The following GMDS variants were observed in gnomAD, a reference collection of about 807,000 sequenced individuals.
GMDS encodes GDP-mannose 4,6-dehydratase.
GMDS carries 20 observed loss-of-function variants against 49.9 expected under a neutral mutation model. The ratio of observed to expected loss-of-function variants is 0.40; its 90% CI spans 0.28 to 0.58. The LOEUF is 0.58. Ranked by LOEUF, GMDS falls within the 20% of genes least tolerant of loss-of-function variation. GMDS has a pLI of 0.42. For missense variants in GMDS, 362 were observed against 481.4 expected (o/e 0.75, Z 2.32); for synonymous variants, 177 against 178.6 (o/e 0.99, Z 0.07).
chr6:2,212,195 C>T (rs1780091655), intron 1 of GMDS, among the ~76,000 whole-genome samples: 1 of 152,194 alleles, frequency 6.6e-6, no homozygotes, highest in Admixed American at 6.5e-5. Flanking sequence ...GAGCTTTTAA[C>T]ATATGAATTC....
intron 4 of GMDS, among the ~76,000 whole-genome samples, chr6:1,976,346 C>T (rs1397620652): frequency 6.6e-6 from 1 of 152,128 alleles, no homozygotes; most frequent in Admixed American, 6.6e-5. Context: ...ATTTTAGAGG[C>T]AAATTTAATA....
intron 1 of GMDS, among the ~76,000 whole-genome samples, chr6:2,173,430 C>T (rs576274383): frequency 5.8e-4 from 89 of 152,322 alleles, no homozygotes; most frequent in Non-Finnish European, 8.8e-4. Context: ...ATACCAGATG[C>T]TTCCATGTTT....
intron 4 of GMDS, among the ~76,000 whole-genome samples, chr6:2,084,320 G>C (rs765992962): frequency 6.6e-6 from 1 of 152,024 alleles, no homozygotes; most frequent in Non-Finnish European, 1.5e-5. Flanking sequence ...ATGAACAAGT[G>C]GCCACCCCAT....
rs921564223 is a variant in GMDS, at chr6:1,808,762, T to C, written c.772-66176A>G. On this transcript the variant is annotated intron_variant, in intron 7 of 10. Transcript: ENST00000380815. ...TCAAGATTTTCCTTTCCTCCAAACATATTAAAAGATAATAGCTAGAATTCC... is the reference window on the plus strand; with the variant it reads ...TCAAGATTTTCCTTTCCTCCAAACACATTAAAAGATAATAGCTAGAATTCC... Among the ~76,000 whole-genome samples, 7 of 152,198 alleles carry C rather than the reference T, an allele frequency of 4.6e-5. No homozygotes were observed. In the South Asian group the frequency reaches 6.2e-4, roughly 14 times the overall value.
chr6:1,654,837 C>T (rs954174357), intron 9 of GMDS, among the ~76,000 whole-genome samples: 6 of 151,928 alleles, frequency 3.9e-5, no homozygotes, highest in Non-Finnish European at 7.4e-5. Context: ...TCGAGGTGGG[C>T]GGATCATGAG....
chr6:2,126,261 T>C (rs1330595137), intron 1 of GMDS, among the ~76,000 whole-genome samples: 1 of 152,048 alleles, frequency 6.6e-6, no homozygotes, highest in African/African-American at 2.4e-5. Context: ...AACTAGAGGG[T>C]CCCCATCCAT....
At chr6:1,772,287 A>G (rs975719498) in intron 7 of GMDS, among the ~76,000 whole-genome samples, 5 of 152,196 alleles carry the variant, frequency 3.3e-5, no homozygotes, top group Non-Finnish European at 7.3e-5. Context: ...AAGAAAAAAC[A>G]TGTTTCTTAT....
chr6:2,042,837 C>T (rs1436298744), intron 4 of GMDS, among the ~76,000 whole-genome samples: 2 of 152,170 alleles, frequency 1.3e-5, no homozygotes, highest in Admixed American at 6.5e-5. Context: ...TTACTTTCCA[C>T]TCGGACTCGT....
intron 9 of GMDS, among the ~76,000 whole-genome samples, chr6:1,696,870 T>C (rs1369095532): frequency 3.3e-5 from 5 of 152,172 alleles, no homozygotes; most frequent in Non-Finnish European, 7.4e-5. Context: ...TGGAGTCACA[T>C]GGTAAAACAA....
At chr6:2,190,006 C>T (rs1238009111) in intron 1 of GMDS, among the ~76,000 whole-genome samples, 1 of 152,222 alleles carries the variant, frequency 6.6e-6, no homozygotes, top group African/African-American at 2.4e-5. Context: ...AGACTCCTGG[C>T]TCCAAGTCCT....
At chr6:2,199,189 T>A (rs1170402118) in intron 1 of GMDS, among the ~76,000 whole-genome samples, 1 of 152,258 alleles carries the variant, frequency 6.6e-6, no homozygotes, top group Admixed American at 6.5e-5. Flanking sequence ...TTTAACTTCA[T>A]GTCCACAATA....
intron 7 of GMDS, among the ~76,000 whole-genome samples, chr6:1,841,724 A>G (rs906071451): frequency 2.6e-5 from 4 of 152,134 alleles, no homozygotes; most frequent in African/African-American, 9.7e-5. Flanking sequence ...GTTCATGTGT[A>G]TGTTTGTGAT....
At chr6:1,868,641 A>G in intron 7 of GMDS, among the ~76,000 whole-genome samples, 1 of 152,228 alleles carries the variant, frequency 6.6e-6, no homozygotes, top group East Asian at 1.9e-4. Context: ...CAAAGTCACC[A>G]AAGTGGCATA....
At chr6:1,753,459 C>T (rs1051571302) in intron 7 of GMDS, among the ~76,000 whole-genome samples, 1 of 152,146 alleles carries the variant, frequency 6.6e-6, no homozygotes, top group African/African-American at 2.4e-5. Flanking sequence ...TTTAACACCC[C>T]ACTGTCAATA....
chr6:1,765,135 A>T (rs1002144030), intron 7 of GMDS, among the ~76,000 whole-genome samples: 1 of 152,194 alleles, frequency 6.6e-6, no homozygotes, highest in Non-Finnish European at 1.5e-5. Flanking sequence ...AACAAAACTA[A>T]ACCAAAAAGA....
At chr6:2,148,884 A>G (rs972110069) in intron 1 of GMDS, among the ~76,000 whole-genome samples, 3 of 152,188 alleles carry the variant, frequency 2.0e-5, no homozygotes, top group Non-Finnish European at 4.4e-5. Flanking sequence ...AATACGGTAG[A>G]ACACGTGAGA....
chr6:2,172,276 A>G (rs1778053823), intron 1 of GMDS, among the ~76,000 whole-genome samples: 1 of 152,220 alleles, frequency 6.6e-6, no homozygotes, highest in Admixed American at 6.5e-5. Context: ...AAATAAAAGG[A>G]GAGAGTGACA....
chr6:1,639,912 A>G (rs1763275337), intron 9 of GMDS, among the ~76,000 whole-genome samples: 1 of 152,194 alleles, frequency 6.6e-6, no homozygotes, highest in Admixed American at 6.5e-5. Flanking sequence ...ACACAGATCC[A>G]AGCTGAATTC....
intron 9 of GMDS, among the ~76,000 whole-genome samples, chr6:1,658,264 G>A (rs1413292125): frequency 6.6e-6 from 1 of 152,272 alleles, no homozygotes; most frequent in Non-Finnish European, 1.5e-5. Context: ...TCACCCAGCA[G>A]ATGTTGCTTC....
Sources: gnomAD v4.1 joint callset for allele counts (sites outside exome capture counted in the v4.1 genomes callset) on GRCh38, gnomAD v4.1.1 for gene constraint, MANE v1.5 for transcripts, NCBI Gene and HGNC (gene_info 2026-07-23, HGNC 2026-07-21) for gene names.